Variants in USP24 observed in about 807,000 individuals in gnomAD.
The protein encoded by USP24 is ubiquitin specific peptidase 24, also known as ubiquitin carboxyl-terminal hydrolase 24.
USP24 carries 97 observed loss-of-function variants against 361.6 expected under a neutral mutation model. The observed-to-expected ratio is 0.27, with a 90% CI of 0.23 to 0.32. USP24 has a LOEUF of 0.32. Among genes scored for constraint, USP24 ranks in the 10% least tolerant of loss-of-function variants. The probability of loss-of-function intolerance (pLI) is 1.00; values close to 1 mark genes in which losing one functional copy is unlikely to be tolerated. For missense variants in USP24, 2,353 were observed against 3,165.6 expected (o/e 0.74, Z 6.16); for synonymous variants, 1,098 against 1,124.6 (o/e 0.98, Z 0.47).
At position 55,081,958 on chromosome 1, in the gene USP24, T is replaced by C. The variant is rs144816819; in HGVS notation, c.6976-534A>G. On this transcript the variant is annotated intron_variant, in intron 58 of 67. Transcript: ENST00000294383. Reference sequence around the variant, plus strand: ...CTGAATTATAGTGAATTTAAACTAATTGCTAGTGACAATGGGGCCTTGGAT... The same window carrying C: ...CTGAATTATAGTGAATTTAAACTAACTGCTAGTGACAATGGGGCCTTGGAT... Among the ~76,000 whole-genome samples the C allele has an allele frequency of 3.8e-3, 581 of 152,354 alleles. 5 individuals carry two copies. Among genetic ancestry groups the C allele is most frequent in the African/African-American group, 0.013 (544 of 41,588 alleles).
chr1:55,087,869 C>T (rs1347363260), intron 55 of USP24, among the ~76,000 whole-genome samples: 1 of 152,176 alleles, frequency 6.6e-6, no homozygotes, highest in Non-Finnish European at 1.5e-5. Context: ...GAAGGAGAAG[C>T]CACTTACTAT....
intron 24 of USP24, among the ~76,000 whole-genome samples, chr1:55,141,212 G>A (rs1213705323): frequency 6.6e-6 from 1 of 151,994 alleles, no homozygotes; most frequent in Non-Finnish European, 1.5e-5. Context: ...GACTATTCAA[G>A]GAGAAAAGCT....
At chr1:55,098,946 A>G (rs1352330908) in intron 45 of USP24, among the ~76,000 whole-genome samples, 1 of 152,234 alleles carries the variant, frequency 6.6e-6, no homozygotes, top group East Asian at 1.9e-4. Flanking sequence ...ATGAGAGGCC[A>G]ATGCTGGCAG....
intron 3 of USP24, among the ~76,000 whole-genome samples, chr1:55,173,034 C>A (rs1434549316): frequency 2.0e-5 from 3 of 152,072 alleles, no homozygotes; most frequent in African/African-American, 7.2e-5. Context: ...TGATGGCTGG[C>A]TGTCCATATT....
At position 55,072,843 on chromosome 1, in the gene USP24, C is replaced by T; in HGVS notation, c.7545G>A (p.Glu2515=). The change falls in exon 65 of 68, where the codon GAG becomes GAA. Residue 2515 remains glutamate, a synonymous_variant. Coordinates refer to ENST00000294383, the MANE Select transcript of USP24 (RefSeq NM_015306.3). Reference sequence around the variant, plus strand: ...AGTGGTGGGAATTCTCCTTGAAGTACTCCTTAGCTGCAGGACACCTGATGA... The same window carrying T: ...AGTGGTGGGAATTCTCCTTGAAGTATTCCTTAGCTGCAGGACACCTGATGA... The part of the protein sequence containing the change: ...TLAQKCPAAK[E]YFKENSHHWS... The T allele has an allele frequency of 1.2e-6, 2 of 1,607,636 alleles. No individual in the cohort carries two copies. The highest frequency in any genetic ancestry group is 1.7e-6 in the Non-Finnish European group (2 of 1,177,022).
chr1:55,098,352 C>A, intron 46 of USP24, 124 bp downstream of exon 46: 2 of 953,356 alleles, frequency 2.1e-6, no homozygotes, highest in South Asian at 2.0e-5. Context: ...TCACTAAATA[C>A]TTATAGATCT....
intron 48 of USP24, 58 bp from the exon 49 acceptor site, chr1:55,097,230 C>G: frequency 2.6e-6 from 4 of 1,554,770 alleles, no homozygotes; most frequent in Non-Finnish European, 3.5e-6. Flanking sequence ...CAGCAGTACC[C>G]AGTTAAGTGA....
intron 1 of USP24, among the ~76,000 whole-genome samples, chr1:55,180,959 G>A (rs1341940744): frequency 6.6e-6 from 1 of 151,726 alleles, no homozygotes; most frequent in Non-Finnish European, 1.5e-5. Flanking sequence ...CTATTAATAG[G>A]GTAACTGCCA....
chr1:55,102,947 T>A (rs1645674442), intron 42 of USP24, among the ~76,000 whole-genome samples: 1 of 152,176 alleles, frequency 6.6e-6, no homozygotes, highest in South Asian at 2.1e-4. Flanking sequence ...TGCTACTCCC[T>A]CTATTTAGGA....
At chr1:55,190,469 A>G (rs1644257173) in intron 1 of USP24, among the ~76,000 whole-genome samples, 2 of 152,218 alleles carry the variant, frequency 1.3e-5, no homozygotes, top group Admixed American at 6.5e-5. Flanking sequence ...ACTGACCAAG[A>G]GAACACATAC....
chr1:55,072,845 C>G lies in USP24; in HGVS notation c.7543G>C (p.Glu2515Gln), dbSNP rs1275830841. ...TGGTGGGAATTCTCCTTGAAGTACTCCTTAGCTGCAGGACACCTGATGACC... is the reference window on the plus strand; with the variant it reads ...TGGTGGGAATTCTCCTTGAAGTACTGCTTAGCTGCAGGACACCTGATGACC... ...TLAQKCPAAK[E>Q]YFKENSHHWS... Residue 2515 changes from glutamate (E) to glutamine (Q), a missense_variant, in exon 65 of 68, where the codon GAG becomes CAG. Physicochemically the swap from Glu to Gln is conservative, Grantham distance 29. Coordinates refer to ENST00000294383, the MANE Select transcript of USP24 (RefSeq NM_015306.3). 1 of 1,607,462 alleles carries G rather than the reference C, an allele frequency of 6.2e-7. No homozygotes were observed.
At chr1:55,142,444 T>C (rs577859411) in intron 23 of USP24, among the ~76,000 whole-genome samples, 5 of 152,254 alleles carry the variant, frequency 3.3e-5, no homozygotes, top group African/African-American at 1.2e-4. Context: ...AAAGATTCTA[T>C]TACAAATATG....
chr1:55,126,769 G>C (rs1440876984), intron 32 of USP24, among the ~76,000 whole-genome samples: 1 of 151,892 alleles, frequency 6.6e-6, no homozygotes, highest in Non-Finnish European at 1.5e-5. Flanking sequence ...CCATCCCCTC[G>C]ACCTCCTCAA....
chr1:55,127,064 G>GT (rs1271188970), intron 32 of USP24, among the ~76,000 whole-genome samples: 27 of 150,706 alleles, frequency 1.8e-4, no homozygotes, highest in South Asian at 6.3e-4. Flanking sequence ...TTCCCCCTCA[G>GT]TTTTTTTTCT....
chr1:55,096,473 A>G (rs747517714), intron 50 of USP24, 25 bp downstream of exon 50: 2 of 1,499,828 alleles, frequency 1.3e-6, no homozygotes, highest in Non-Finnish European at 8.9e-7. Context: ...AAACTAATGG[A>G]AAATATCCAT....
chr1:55,124,676 T>C, intron 34 of USP24, 48 bp from the exon 35 acceptor site: 3 of 1,598,296 alleles, frequency 1.9e-6, no homozygotes, highest in Middle Eastern at 1.7e-4. Context: ...CTTGAACACA[T>C]GCCCTGACAT....
At chr1:55,094,763 C>A (rs1645458194) in intron 51 of USP24, among the ~76,000 whole-genome samples, 1 of 149,276 alleles carries the variant, frequency 6.7e-6, no homozygotes, top group South Asian at 2.1e-4. Flanking sequence ...CTTTGGGAGG[C>A]CTAGATGGGA....
intron 1 of USP24, among the ~76,000 whole-genome samples, chr1:55,203,409 C>A (rs1338150219): frequency 6.6e-6 from 1 of 152,220 alleles, no homozygotes; most frequent in Non-Finnish European, 1.5e-5. Context: ...ACAAGACTTA[C>A]CACCACCAGA....
rs367580658 is a variant in USP24, at chr1:55,132,613, T to C, written c.3469A>G (p.Ile1157Val). The C allele has an allele frequency of 2.5e-6, 4 of 1,613,598 alleles. No homozygotes were observed. Among genetic ancestry groups the C allele is most frequent in the African/African-American group, 1.3e-5 (1 of 74,910 alleles). ...KQQHQPSASS[I>V]LESLFRSFAP... ...AAAGATCGAAACAGACTTTCTAAAATTGAACTGGCACTTGGCTGGTGCTGT... is the reference window on the plus strand; with the variant it reads ...AAAGATCGAAACAGACTTTCTAAAACTGAACTGGCACTTGGCTGGTGCTGT... The change falls in exon 31 of 68, where the codon ATT becomes GTT. Residue 1157 changes from isoleucine to valine, a missense_variant. By Grantham distance (29) the Ile-to-Val change is conservative. Coordinates refer to ENST00000294383, the MANE Select transcript of USP24 (RefSeq NM_015306.3).
Sources: allele counts gnomAD v4.1 joint callset (sites outside exome capture counted in the v4.1 genomes callset), GRCh38; gene constraint gnomAD v4.1.1; transcripts MANE v1.5; gene names NCBI Gene and HGNC (gene_info 2026-07-23, HGNC 2026-07-21).